The following FOXJ2 variants were observed in gnomAD, a reference collection of about 807,000 sequenced individuals.
The protein encoded by FOXJ2 is forkhead box protein J2.
In FOXJ2, 18 loss-of-function variants were observed where a neutral mutation model predicts 68.4. The ratio of observed to expected loss-of-function variants is 0.26; its 90% CI spans 0.18 to 0.39. FOXJ2 has a LOEUF of 0.39. Ranked by LOEUF, FOXJ2 falls within the 10% of genes least tolerant of loss-of-function variation. FOXJ2 has a pLI of 1.00. For synonymous variants in FOXJ2, 274 were observed against 263.2 expected, an observed-to-expected ratio of 1.04 and a Z score of -0.40; for missense variants, 670 against 726.5, an observed-to-expected ratio of 0.92 and a Z score of 0.89.
chr12:8,037,083 C>T (rs61922167), intron 1 of FOXJ2, among the ~76,000 whole-genome samples: 1 of 152,072 alleles, frequency 6.6e-6, no homozygotes, highest in Admixed American at 6.5e-5. Flanking sequence ...AGCAAGGCTT[C>T]GTCTCCAAAA....
chr12:8,038,682 C>T lies in FOXJ2; in HGVS notation c.-14-1137C>T, dbSNP rs1946927065. Among the ~76,000 whole-genome samples, 1 of 152,182 alleles carries T rather than the reference C, an allele frequency of 6.6e-6. No individual in the cohort carries two copies. Among genetic ancestry groups the T allele is most frequent in the Non-Finnish European group, 1.5e-5 (1 of 68,034 alleles). On this transcript the variant is annotated intron_variant, in intron 1 of 10. Transcript: ENST00000162391. The surrounding 1 kb of genome is among the most constrained non-coding windows in gnomAD (Gnocchi z 5.3). The stretch of plus-strand genomic sequence containing the variant: ...TTTCTAGACCCTGCAATACAGATAT[C>T]ACCCATCGTTCTTCACCTTCCCTCG...
rs1250163370 is a variant in FOXJ2 at position 8,035,139 on chromosome 12, T to C, written c.-15+1306T>C. The stretch of plus-strand genomic sequence containing the variant: ...GGCACAGGTTTGTGTGGCTGTGCTA[T>C]AGGACAACATGCATATACTTCTTAA... On this transcript the variant is annotated intron_variant, in intron 1 of 10. Coordinates refer to ENST00000162391, the MANE Select transcript of FOXJ2 (RefSeq NM_018416.3). This position sits in a 1 kb window ranked among gnomAD's most constrained non-coding sequence, Gnocchi z 4.0. Among the ~76,000 whole-genome samples the C allele has an allele frequency of 6.6e-6, 1 of 152,236 alleles. No individual in the cohort carries two copies. Among genetic ancestry groups the C allele is most frequent in the Non-Finnish European group, 1.5e-5 (1 of 68,044 alleles).
chr12:8,037,860 CTT>C (rs1351632098), intron 1 of FOXJ2, among the ~76,000 whole-genome samples: 1 of 152,160 alleles, frequency 6.6e-6, no homozygotes, highest in Non-Finnish European at 1.5e-5. Context: ...GGTGTTTTGA[CTT>C]AGTAGTATTG....
In FOXJ2 at chr12:8,043,990, C is replaced by T. The variant is rs760386956; in HGVS notation, c.517C>T (p.Pro173Ser). 1 of 1,579,174 alleles carries T rather than the reference C, an allele frequency of 6.3e-7. No individual in the cohort carries two copies. Among genetic ancestry groups the T allele is most frequent in the South Asian group, 1.2e-5 (1 of 85,674 alleles). The change falls in exon 5 of 11, where the codon CCA becomes TCA. Residue 173 changes from proline to serine, a missense_variant. Pro to Ser is a moderately conservative substitution (Grantham distance 74). This residue lies in a region of FOXJ2 where 555 missense variants were observed against 562.2 expected (regional missense o/e 0.99). Coordinates refer to ENST00000162391, the MANE Select transcript of FOXJ2 (RefSeq NM_018416.3). ...ACCAGAACAGGAGGCAAGCAAGAGC[C>T]CACGGGGAGGCGTTGCAGGGAGTGG... ...DSPEQEASKSPRGGVAGSGEA... is the reference protein window; with the variant it reads ...DSPEQEASKSSRGGVAGSGEA...
In FOXJ2 at chr12:8,033,765, G is replaced by A. The variant is rs77419323; in HGVS notation, c.-83G>A. 0.023 allele frequency: 3,555 copies of A among 152,874 alleles called. 62 individuals are homozygous for A. Among genetic ancestry groups the A allele is most frequent in the Middle Eastern group, 0.047 (14 of 296 alleles). 9.5% of individuals were successfully genotyped at this position (152,874 alleles called of 1,614,324 possible). A position where few individuals can be genotyped will look rare whatever the true frequency, so the allele number is the denominator to read the frequency against. On this transcript the variant is annotated 5_prime_UTR_variant, in exon 1 of 11. Transcript: ENST00000162391. ...AGCCGTCACCTGCCTCTGAAGAGGG[G>A]AATCCCTCCAACCCCAAACTCCAGT...
rs1271745946 is a variant in FOXJ2 at position 8,035,382 on chromosome 12, G to A, written c.-15+1549G>A. Among the ~76,000 whole-genome samples, 2 of 152,074 alleles carry A rather than the reference G, an allele frequency of 1.3e-5. No individual in the cohort carries two copies. Among genetic ancestry groups the A allele is most frequent in the South Asian group, 2.1e-4 (1 of 4,820 alleles). ...CCCAGTCAATGGGAGCCCTCGTGAC[G>A]GTCTACAGGACAGTCCTTTAAGCAG... On this transcript the variant is annotated intron_variant, in intron 1 of 10. Transcript: ENST00000162391. The surrounding 1 kb of genome is among the most constrained non-coding windows in gnomAD (Gnocchi z 4.0).
At position 8,043,991 on chromosome 12, in the gene FOXJ2, C is replaced by A; in HGVS notation, c.518C>A (p.Pro173Gln). The A allele has an allele frequency of 6.3e-7, 1 of 1,579,572 alleles. No homozygotes were observed. The highest frequency in any genetic ancestry group is 8.6e-7 in the Non-Finnish European group (1 of 1,165,148). ...DSPEQEASKS[P>Q]RGGVAGSGEA... ...CCAGAACAGGAGGCAAGCAAGAGCC[C>A]ACGGGGAGGCGTTGCAGGGAGTGGA... is the stretch of plus-strand genomic sequence containing the variant. The change falls in exon 5 of 11, where the codon CCA becomes CAA. Residue 173 changes from proline (P) to glutamine (Q), a missense_variant. By Grantham distance (76) the Pro-to-Gln change is moderately conservative. Around this residue, in one of 2 missense-constraint regions of FOXJ2, gnomAD observed 555 missense variants for 562.2 expected, o/e 0.99. Coordinates refer to ENST00000162391, the MANE Select transcript of FOXJ2 (RefSeq NM_018416.3).
chr12:8,035,221 A>T lies in FOXJ2; in HGVS notation c.-15+1388A>T, dbSNP rs1165620036. On this transcript the variant is annotated intron_variant, in intron 1 of 10. Transcript: ENST00000162391. This position sits in a 1 kb window ranked among gnomAD's most constrained non-coding sequence, Gnocchi z 4.0. Reference sequence around the variant, plus strand: ...GGTATGTGTGTGGAGACAGGTACTTATGTGCTTTTCAGACTATACTCCAGT... The same window carrying T: ...GGTATGTGTGTGGAGACAGGTACTTTTGTGCTTTTCAGACTATACTCCAGT... 1.3e-5 allele frequency among the ~76,000 whole-genome samples: 2 copies of T among 152,106 alleles called. No homozygotes were observed. Among genetic ancestry groups the T allele is most frequent in the African/African-American group, 4.8e-5 (2 of 41,392 alleles).
rs752323811 is a variant in FOXJ2 at position 8,038,990 on chromosome 12, T to C, written c.-14-829T>C. 1.8e-4 allele frequency among the ~76,000 whole-genome samples: 28 copies of C among 152,232 alleles called. No homozygotes were observed. Among genetic ancestry groups the C allele is most frequent in the Admixed American group, 1.4e-3 (21 of 15,302 alleles). On this transcript the variant is annotated intron_variant, in intron 1 of 10. Coordinates refer to ENST00000162391, the MANE Select transcript of FOXJ2 (RefSeq NM_018416.3). The surrounding 1 kb of genome is among the most constrained non-coding windows in gnomAD (Gnocchi z 5.3). The stretch of plus-strand genomic sequence containing the variant: ...CCTGGCTCGGTGAAGCCCAGCAGGC[T>C]GAGAGGTGGGAGGTCCTTGTGGATG...
intron 8 of FOXJ2, 85 bp downstream of exon 8, chr12:8,048,883 A>G: frequency 9.7e-7 from 1 of 1,028,496 alleles, no homozygotes; most frequent in Non-Finnish European, 1.5e-6. Context: ...GGGTGGTTAA[A>G]TGAAGTTGCA....
intron 6 of FOXJ2, among the ~76,000 whole-genome samples, chr12:8,047,389 C>T (rs902728206): frequency 3.9e-5 from 6 of 151,980 alleles, no homozygotes; most frequent in African/African-American, 7.3e-5. Context: ...GCGGAGGTTG[C>T]GGTGAGCCGA....
At position 8,039,924 on chromosome 12, in the gene FOXJ2, C is replaced by G; in HGVS notation, c.92C>G (p.Ser31Cys). ...ACCATTGAGAAGCTTGGAAGTGCCT[C>G]CCAGGCTGGGCCTCCCGGGAGCAGC... Reference protein sequence around the residue: ...RATIEKLGSASQAGPPGSSRK... With the variant: ...RATIEKLGSACQAGPPGSSRK... The change falls in exon 2 of 11, where the codon TCC becomes TGC. Residue 31 changes from serine to cysteine, a missense_variant. Physicochemically the swap from Ser to Cys is moderately radical, Grantham distance 112. Transcript: ENST00000162391. 1 of 1,614,160 alleles carries G rather than the reference C, an allele frequency of 6.2e-7. No individual in the cohort carries two copies. Among genetic ancestry groups the G allele is most frequent in the Non-Finnish European group, 8.5e-7 (1 of 1,180,024 alleles).
chr12:8,052,963 T>G lies in FOXJ2; in HGVS notation c.*113T>G. On this transcript the variant is annotated 3_prime_UTR_variant, in exon 11 of 11. Transcript: ENST00000162391. ...CGTCTGTATATAGACATATATCCTC[T>G]TTTTGTTCTTTCTCTGTCAGAGAAG... is the stretch of plus-strand genomic sequence containing the variant. The G allele has an allele frequency of 1.6e-6, 1 of 631,682 alleles. No homozygotes were observed. The highest frequency in any genetic ancestry group is 2.6e-5 in the South Asian group (1 of 38,088). The allele number at this position is 631,682 out of a possible 1,614,324, so 39.1% of individuals were successfully genotyped here. A position where few individuals can be genotyped will look rare whatever the true frequency, so the allele number is the denominator to read the frequency against.
At chr12:8,047,517 C>CTT (rs768195025) in intron 6 of FOXJ2, among the ~76,000 whole-genome samples, 3 of 146,326 alleles carry the variant, frequency 2.1e-5, no homozygotes, top group Non-Finnish European at 4.5e-5. Context: ...TTCTGATTTA[C>CTT]TTTTTTTTTT....
rs1436345164 is a variant in FOXJ2 at position 8,043,786 on chromosome 12, T to C, written c.477+17T>C. On this transcript the variant is annotated intron_variant, in intron 4 of 10. Coordinates refer to ENST00000162391, the MANE Select transcript of FOXJ2 (RefSeq NM_018416.3). ...GATGATGATGTAAGTTCCCAGCTCA[T>C]GAGGAGATGCCATATCTGAGCCAGC... The C allele has an allele frequency of 6.2e-7, 1 of 1,614,136 alleles. No homozygotes were observed. Among genetic ancestry groups the C allele is most frequent in the South Asian group, 1.1e-5 (1 of 91,082 alleles).
Position 8,032,753 on chromosome 12 carries a change from C to T in FOXJ2, c.-1095C>T, listed in dbSNP as rs1463394436. 1 of 397,288 alleles carries T rather than the reference C, an allele frequency of 2.5e-6. No individual in the cohort carries two copies. The highest frequency in any genetic ancestry group is 4.4e-6 in the Non-Finnish European group (1 of 225,348). 24.6% of individuals were successfully genotyped at this position (397,288 alleles called of 1,614,324 possible). A position where few individuals can be genotyped will look rare whatever the true frequency, so the allele number is the denominator to read the frequency against. On this transcript the variant is annotated 5_prime_UTR_variant, in exon 1 of 11. Coordinates refer to ENST00000162391, the MANE Select transcript of FOXJ2 (RefSeq NM_018416.3). This position sits in a 1 kb window ranked among gnomAD's most constrained non-coding sequence, Gnocchi z 4.8. ...AGCCGAGCCCGAGCCCGCGCCGAGC[C>T]CTGACACTGTCTGCCCGCCTTCTGG...
Position 8,048,346 on chromosome 12 carries a change from A to G in FOXJ2, c.1225+57A>G, listed in dbSNP as rs1195100150. The G allele has an allele frequency of 2.0e-6, 3 of 1,504,774 alleles. No homozygotes were observed. In the African/African-American group the frequency reaches 4.2e-5, roughly 21 times the overall value. 93.2% of individuals were successfully genotyped at this position (1,504,774 alleles called of 1,614,324 possible). On this transcript the variant is annotated intron_variant, in intron 7 of 10. Coordinates refer to ENST00000162391, the MANE Select transcript of FOXJ2 (RefSeq NM_018416.3). ...GAGGGTGGGGTGATGTCCTTGTCCTAACACCGGCATGGAGGTGCAGTTAGT... is the reference window on the plus strand; with the variant it reads ...GAGGGTGGGGTGATGTCCTTGTCCTGACACCGGCATGGAGGTGCAGTTAGT...
rs1453131683 is a variant in FOXJ2, at chr12:8,043,739, C to T, written c.447C>T (p.Ser149=). ...CAATTGACACCTGCCCTGACATTTC[C>T]CGAAAGAGAAGACACCCTCCAGATG... ...YWTIDTCPDI[S]RKRRHPPDDD... The change falls in exon 4 of 11, where the codon TCC becomes TCT. Residue 149 remains serine, a synonymous_variant. Coordinates refer to ENST00000162391, the MANE Select transcript of FOXJ2 (RefSeq NM_018416.3). The T allele has an allele frequency of 1.2e-6, 2 of 1,614,166 alleles. No homozygotes were observed. Among genetic ancestry groups the T allele is most frequent in the Non-Finnish European group, 8.5e-7 (1 of 1,180,024 alleles).
In FOXJ2 at chr12:8,048,792, T is replaced by G. The variant is rs1947075937; in HGVS notation, c.1321T>G (p.Phe441Val). Reference protein sequence around the residue: ...LNWSSIEQSQFSELMESLRQA... With the variant: ...LNWSSIEQSQVSELMESLRQA... ...TTGGTCCAGCATTGAGCAGTCACAATTCTCAGGTTAGTGATCAAAGGACGA... is the reference window on the plus strand; with the variant it reads ...TTGGTCCAGCATTGAGCAGTCACAAGTCTCAGGTTAGTGATCAAAGGACGA... The change falls in exon 8 of 11, where the codon TTC becomes GTC. Residue 441 changes from phenylalanine to valine, a missense_variant. Around this residue, in one of 2 missense-constraint regions of FOXJ2, gnomAD observed 555 missense variants for 562.2 expected, o/e 0.99. Coordinates refer to ENST00000162391, the MANE Select transcript of FOXJ2 (RefSeq NM_018416.3). 6.8e-6 allele frequency: 11 copies of G among 1,613,824 alleles called. No homozygotes were observed. Among genetic ancestry groups the G allele is most frequent in the Non-Finnish European group, 9.3e-6 (11 of 1,179,864 alleles).
Sources: gnomAD v4.1 joint callset for allele counts (sites outside exome capture counted in the v4.1 genomes callset) on GRCh38, gnomAD v4.1.1 for gene constraint, gnomAD v4.1.1 regional missense constraint, Gnocchi (gnomAD v3.1) non-coding constraint, MANE v1.5 for transcripts, NCBI Gene and HGNC (gene_info 2026-07-23, HGNC 2026-07-21) for gene names.